The following TRDMT1 variants were observed in gnomAD, a reference collection of about 807,000 sequenced individuals.
The protein encoded by TRDMT1 is tRNA aspartic acid methyltransferase 1, also known as tRNA (cytosine(38)-C(5))-methyltransferase.
A neutral mutation model predicts 51.2 loss-of-function variants in TRDMT1; 49 were observed. The observed-to-expected ratio is 0.96, with a 90% confidence interval of 0.76 to 1.21. The LOEUF (loss-of-function observed/expected upper bound fraction) is 1.21, where lower values mean the gene tolerates loss of function less well. TRDMT1 is among the 50% of genes most tolerant of loss of function. The probability of loss-of-function intolerance (pLI) is 0.00; values close to 1 mark genes in which losing one functional copy is unlikely to be tolerated. For synonymous variants in TRDMT1, 187 were observed against 164.6 expected, an observed-to-expected ratio of 1.14 and a Z score of -1.04; for missense variants, 534 against 462.3, an observed-to-expected ratio of 1.16 and a Z score of -1.42.
intron 3 of TRDMT1, among the ~76,000 whole-genome samples, chr10:17,164,389 A>G (rs893585400): frequency 1.1e-4 from 17 of 152,232 alleles, no homozygotes; most frequent in African/African-American, 4.1e-4. Flanking sequence ...AGAGCTATCT[A>G]TGACAAACCC....
At chr10:17,171,308 GAC>G (rs1438576235) in intron 2 of TRDMT1, among the ~76,000 whole-genome samples, 1 of 152,132 alleles carries the variant, frequency 6.6e-6, no homozygotes, top group African/African-American at 2.4e-5. Flanking sequence ...AGACACTGAT[GAC>G]ACCTGAAGAG....
intron 3 of TRDMT1, among the ~76,000 whole-genome samples, chr10:17,168,551 C>T (rs916477836): frequency 1.3e-5 from 2 of 151,976 alleles, no homozygotes; most frequent in Non-Finnish European, 2.9e-5. Context: ...TGGGAGGTAA[C>T]GGAATCATGG....
intron 10 of TRDMT1, chr10:17,153,116 T>C (rs933974898): frequency 5.7e-5 from 16 of 278,504 alleles, no homozygotes; most frequent in Non-Finnish European, 8.0e-5. Context: ...TGCCTTTTAA[T>C]TTATAAAAAG....
chr10:17,171,903 T>G (rs1842076798), intron 2 of TRDMT1: 1 of 164,160 alleles, frequency 6.1e-6, no homozygotes, highest in South Asian at 2.1e-4. Context: ...TAGAAAAATT[T>G]TTATCTATTT....
chr10:17,145,864 G>C lies in TRDMT1; in HGVS notation c.*3176C>G, dbSNP rs1318919524. On this transcript the variant is annotated 3_prime_UTR_variant, in exon 11 of 11. Coordinates refer to ENST00000377799, the MANE Select transcript of TRDMT1 (RefSeq NM_004412.7). The stretch of plus-strand genomic sequence containing the variant: ...TGAAATGTGGTTGCTTCTTTGTTCT[G>C]TTCTGCTATGGCTAAAATTAAATCA... 1.0e-6 allele frequency: 1 copy of C among 985,410 alleles called. No individual in the cohort carries two copies. The highest frequency in any genetic ancestry group is 1.2e-6 in the Non-Finnish European group (1 of 829,932). The allele number at this position is 985,410 out of a possible 1,614,324, so 61.0% of individuals were successfully genotyped here. A position where few individuals can be genotyped will look rare whatever the true frequency, so the allele number is the denominator to read the frequency against.
chr10:17,161,351 T>C (rs1163191148), intron 5 of TRDMT1, 132 bp downstream of exon 5: 3 of 582,210 alleles, frequency 5.2e-6, no homozygotes, highest in Non-Finnish European at 7.5e-6. Flanking sequence ...AAATCAATAC[T>C]GATGAGTAAG....
At chr10:17,201,439 C>T (rs2131654248) in intron 1 of TRDMT1, 132 bp downstream of exon 1, 18 of 924,278 alleles carry the variant, frequency 1.9e-5, no homozygotes, top group Non-Finnish European at 2.7e-5. Flanking sequence ...CCAGGACAAC[C>T]GAGGGCCGCC....
intron 1 of TRDMT1, among the ~76,000 whole-genome samples, chr10:17,182,265 A>G (rs1253005111): frequency 6.6e-6 from 1 of 152,168 alleles, no homozygotes; most frequent in African/African-American, 2.4e-5. Context: ...ATGGAGAAAA[A>G]AACTGGTTTC....
intron 8 of TRDMT1, 107 bp downstream of exon 8, chr10:17,157,334 A>G (rs1839663114): frequency 1.7e-6 from 2 of 1,151,534 alleles, no homozygotes; most frequent in Admixed American, 2.6e-5. Context: ...CATTCTAGCA[A>G]AAACATTTTA....
Position 17,142,850 on chromosome 10 carries a change from C to T in TRDMT1, c.*6190G>A, listed in dbSNP as rs1040540305. ...CCGCAGTGTGTCTTCCTGGTCCCACCTTTCAGAATTCTCCTTCTGATTCCT... is the reference window on the plus strand; with the variant it reads ...CCGCAGTGTGTCTTCCTGGTCCCACTTTTCAGAATTCTCCTTCTGATTCCT... On this transcript the variant is annotated 3_prime_UTR_variant, in exon 11 of 11. Transcript: ENST00000377799. 4.0e-6 allele frequency: 2 copies of T among 496,836 alleles called. No homozygotes were observed. The highest frequency in any genetic ancestry group is 5.2e-6 in the Non-Finnish European group (2 of 383,500). 30.8% of individuals were successfully genotyped at this position (496,836 alleles called of 1,614,324 possible).
chr10:17,182,087 C>A (rs934254552), intron 1 of TRDMT1, among the ~76,000 whole-genome samples: 1 of 152,162 alleles, frequency 6.6e-6, no homozygotes, highest in Non-Finnish European at 1.5e-5. Context: ...AGAGGTGACC[C>A]CTGGCTTTTT....
At chr10:17,155,115 G>T (rs1046465857) in intron 8 of TRDMT1, among the ~76,000 whole-genome samples, 1 of 152,030 alleles carries the variant, frequency 6.6e-6, no homozygotes, top group Non-Finnish European at 1.5e-5. Context: ...TCAGGAGGCT[G>T]AGGTAGGAGA....
chr10:17,167,339 G>A (rs1483846941), intron 3 of TRDMT1, among the ~76,000 whole-genome samples: 3 of 152,104 alleles, frequency 2.0e-5, no homozygotes, highest in Non-Finnish European at 4.4e-5. Flanking sequence ...TATATAAAAT[G>A]ATTAACAAAT....
In TRDMT1 at chr10:17,160,348, T is replaced by C; in HGVS notation, c.416A>G (p.Asn139Ser). Residue 139 changes from asparagine to serine, a missense_variant, in exon 6 of 11, where the codon AAT becomes AGT. Transcript: ENST00000377799. Reference protein sequence around the residue: ...TRDLLIQTIENCGFQYQEFLL... With the variant: ...TRDLLIQTIESCGFQYQEFLL... ...AAACTCTTGGTACTGAAAGCCACAA[T>C]TTTCTATTGTTTGTATCAAGAGGTC... The C allele has an allele frequency of 2.6e-6, 4 of 1,565,488 alleles. No homozygotes were observed. Among genetic ancestry groups the C allele is most frequent in the Non-Finnish European group, 3.5e-6 (4 of 1,156,258 alleles).
At chr10:17,170,103 G>T (rs1253065996) in intron 2 of TRDMT1, among the ~76,000 whole-genome samples, 2 of 152,094 alleles carry the variant, frequency 1.3e-5, no homozygotes, top group African/African-American at 4.8e-5. Flanking sequence ...ATTATTCCAG[G>T]GGCATCCTAT....
intron 3 of TRDMT1, among the ~76,000 whole-genome samples, chr10:17,167,061 T>C (rs1841319024): frequency 6.6e-6 from 1 of 152,202 alleles, no homozygotes; most frequent in Admixed American, 6.5e-5. Flanking sequence ...AGCATTCTTT[T>C]ATTATATAGC....
rs35271545 is a variant in TRDMT1 at position 17,197,120 on chromosome 10, AT to A, written c.64+4450del. On this transcript the variant is annotated intron_variant, in intron 1 of 10. Coordinates refer to ENST00000377799, the MANE Select transcript of TRDMT1 (RefSeq NM_004412.7). ...TTCTGTGAGTTTCCAAATGTTTTTA[AT>A]TTTTTTTTTCCTGATTATGTTAGCT... Among the ~76,000 whole-genome samples the A allele has an allele frequency of 7.7e-3, 1,158 of 150,452 alleles. 17 individuals carry two copies. Among genetic ancestry groups the A allele is most frequent in the African/African-American group, 0.026 (1,053 of 41,054 alleles).
rs1393908954 is a variant in TRDMT1 at position 17,162,130 on chromosome 10, T to C, written c.323+36A>G. 4.5e-6 allele frequency: 7 copies of C among 1,558,368 alleles called. No homozygotes were observed. The Admixed American group carries it at 7.2e-5, about 16-fold the overall frequency. ...ATTCTTCCAGACCTGGAGTTTCAAA[T>C]GAAAGGTAAGCTTGTACAGGAACCT... On this transcript the variant is annotated intron_variant, in intron 4 of 10. Coordinates refer to ENST00000377799, the MANE Select transcript of TRDMT1 (RefSeq NM_004412.7).
chr10:17,149,610 T>G (rs1838432580), intron 10 of TRDMT1, among the ~76,000 whole-genome samples: 1 of 152,044 alleles, frequency 6.6e-6, no homozygotes, highest in Non-Finnish European at 1.5e-5. Flanking sequence ...TTTCATTTCT[T>G]CAAAAAAAAA....
Sources: allele counts gnomAD v4.1 joint callset (sites outside exome capture counted in the v4.1 genomes callset), GRCh38; gene constraint gnomAD v4.1.1; transcripts MANE v1.5; gene names NCBI Gene and HGNC (gene_info 2026-07-23, HGNC 2026-07-21).